Variants in NBAS observed in about 807,000 individuals in gnomAD.
NBAS encodes the protein NBAS subunit of NRZ tethering complex.
In NBAS, 219 loss-of-function variants were observed where a neutral mutation model predicts 302.5. The ratio of observed to expected loss-of-function variants is 0.72; its 90% confidence interval spans 0.65 to 0.81. NBAS has a LOEUF of 0.81. NBAS is among the 30% of genes least tolerant of loss of function. The pLI, the probability that NBAS is intolerant of heterozygous loss-of-function variation, is 0.00. For synonymous variants in NBAS, 1,118 were observed against 1,021.6 expected (o/e 1.09, Z -1.80); for missense variants, 2,932 against 2,841.6 (o/e 1.03, Z -0.72).
At chr2:15,465,003 T>A (rs1679662164) in intron 19 of NBAS, among the ~76,000 whole-genome samples, 1 of 152,222 alleles carries the variant, frequency 6.6e-6, no homozygotes, top group Non-Finnish European at 1.5e-5. Flanking sequence ...ACAAATTACT[T>A]ACCTTCTCTA....
chr2:15,343,515 C>T (rs992696460), intron 35 of NBAS, among the ~76,000 whole-genome samples: 1 of 152,022 alleles, frequency 6.6e-6, no homozygotes, highest in African/African-American at 2.4e-5. Context: ...ATTCATTTGC[C>T]ATCTTTGTGT....
At chr2:15,188,908 T>C (rs926256085) in intron 49 of NBAS, among the ~76,000 whole-genome samples, 3 of 152,186 alleles carry the variant, frequency 2.0e-5, no homozygotes, top group African/African-American at 7.2e-5. Flanking sequence ...AAGTATGGCA[T>C]TAGTGGCAAT....
chr2:14,881,397 T>G, the NBAS span, among the ~76,000 whole-genome samples: 3 of 152,158 alleles, frequency 2.0e-5, no homozygotes, highest in South Asian at 6.2e-4. Flanking sequence ...GGTTCAAAAA[T>G]TATCTGTTGG....
At chr2:15,040,330 A>G in the NBAS span, among the ~76,000 whole-genome samples, 1 of 152,164 alleles carries the variant, frequency 6.6e-6, no homozygotes, top group Non-Finnish European at 1.5e-5. Flanking sequence ...CCAGGGTAAC[A>G]TAGAGCCTGA....
chr2:15,296,034 C>T (rs1245830728), intron 40 of NBAS, among the ~76,000 whole-genome samples: 1 of 151,960 alleles, frequency 6.6e-6, no homozygotes. Context: ...TACTGATTGA[C>T]AAGGATGTAC....
At chr2:14,798,240 A>G in the NBAS span, among the ~76,000 whole-genome samples, 3 of 152,164 alleles carry the variant, frequency 2.0e-5, no homozygotes, top group Non-Finnish European at 4.4e-5. Flanking sequence ...TGGAGGTGCC[A>G]TTTATCAGAT....
At chr2:15,274,921 C>A (rs374999031) in intron 44 of NBAS, among the ~76,000 whole-genome samples, 2 of 151,714 alleles carry the variant, frequency 1.3e-5, no homozygotes, top group East Asian at 3.9e-4. Context: ...CATACCACCA[C>A]ACCCAGGTAA....
At chr2:14,975,475 C>A in the NBAS span, among the ~76,000 whole-genome samples, 2 of 152,318 alleles carry the variant, frequency 1.3e-5, no homozygotes, top group East Asian at 3.9e-4. Flanking sequence ...AAATGTAATT[C>A]TTATTCACAT....
intron 51 of NBAS, among the ~76,000 whole-genome samples, chr2:15,167,817 C>T (rs945917958): frequency 2.0e-5 from 3 of 152,182 alleles, no homozygotes; most frequent in Non-Finnish European, 1.5e-5. Flanking sequence ...TTCTTTAATG[C>T]TGTATCTTTC....
chr2:15,051,155 G>A, the NBAS span, among the ~76,000 whole-genome samples: 1 of 152,208 alleles, frequency 6.6e-6, no homozygotes, highest in Non-Finnish European at 1.5e-5. Context: ...CGATTATTTG[G>A]TGGCTGAACA....
At chr2:15,319,490 T>C (rs1671689487) in intron 38 of NBAS, among the ~76,000 whole-genome samples, 1 of 150,792 alleles carries the variant, frequency 6.6e-6, no homozygotes, top group South Asian at 2.1e-4. Flanking sequence ...ACAAAATTGA[T>C]AAACCACTAG....
At chr2:15,478,643 C>T (rs1680296127) in intron 12 of NBAS, among the ~76,000 whole-genome samples, 1 of 152,188 alleles carries the variant, frequency 6.6e-6, no homozygotes, top group Admixed American at 6.5e-5. Context: ...GATCTTATCC[C>T]AGCCACTTAT....
At chr2:15,073,601 T>G in the NBAS span, among the ~76,000 whole-genome samples, 1 of 152,170 alleles carries the variant, frequency 6.6e-6, no homozygotes, top group Non-Finnish European at 1.5e-5. Context: ...TGCTTATCAC[T>G]TCCATGCATT....
At chr2:15,476,379 C>A (rs1291115002) in intron 13 of NBAS, among the ~76,000 whole-genome samples, 6 of 151,450 alleles carry the variant, frequency 4.0e-5, no homozygotes, top group African/African-American at 1.5e-4. Flanking sequence ...TGTAACTAAT[C>A]AGAGAGGGAA....
chr2:15,479,424 TACTACATACTCCA>T (rs1211879855), intron 12 of NBAS, among the ~76,000 whole-genome samples: 1 of 152,288 alleles, frequency 6.6e-6, no homozygotes, highest in Non-Finnish European at 1.5e-5. Flanking sequence ...AAATCATGAG[TACTACATACTCCA>T]ACCACATGCA....
chr2:14,912,809 T>C, the NBAS span, among the ~76,000 whole-genome samples: 54 of 151,924 alleles, frequency 3.6e-4, no homozygotes, highest in African/African-American at 1.2e-3. Context: ...AATAATTTCA[T>C]AGGCCAAGGT....
the NBAS span, among the ~76,000 whole-genome samples, chr2:14,993,631 G>T: frequency 7.2e-5 from 11 of 152,126 alleles, no homozygotes; most frequent in Admixed American, 2.0e-4. Context: ...ATTTAGAGTT[G>T]TCTAAAAATG....
the NBAS span, among the ~76,000 whole-genome samples, chr2:14,956,161 GC>G: frequency 6.6e-6 from 1 of 152,154 alleles, no homozygotes; most frequent in African/African-American, 2.4e-5. Context: ...CAAAAGAAAA[GC>G]AAGAGTCACT....
At chr2:15,515,798 A>T (rs188735794) in intron 9 of NBAS, among the ~76,000 whole-genome samples, 1 of 152,200 alleles carries the variant, frequency 6.6e-6, no homozygotes, top group Admixed American at 6.5e-5. Flanking sequence ...AAGCCAGTCA[A>T]TGGAAGAGAA....
Sources: gnomAD v4.1 joint callset for allele counts (sites outside exome capture counted in the v4.1 genomes callset) on GRCh38, gnomAD v4.1.1 for gene constraint, MANE v1.5 for transcripts, NCBI Gene and HGNC (gene_info 2026-07-23, HGNC 2026-07-21) for gene names.